Variants in SAMSN1 observed in about 807,000 individuals in gnomAD.
The protein encoded by SAMSN1 is SAM domain, SH3 domain and nuclear localization signals 1, also known as SAM domain-containing protein SAMSN-1.
Under a neutral mutation model 42.0 loss-of-function variants are expected in SAMSN1, and 31 were observed. The observed-to-expected ratio is 0.74, with a 90% confidence interval of 0.55 to 1.00. The LOEUF (loss-of-function observed/expected upper bound fraction) is 1.00, where lower values mean the gene tolerates loss of function less well. Ranked by LOEUF, SAMSN1 falls within the 50% of genes least tolerant of loss-of-function variation. The probability of loss-of-function intolerance (pLI) is 0.00; values close to 1 mark genes in which losing one functional copy is unlikely to be tolerated. For synonymous variants in SAMSN1, 178 were observed against 151.9 expected (o/e 1.17, Z -1.26); for missense variants, 464 against 439.4 (o/e 1.06, Z -0.50).
intron 1 of SAMSN1, among the ~76,000 whole-genome samples, chr21:14,647,430 G>A (rs527339268): frequency 1.1e-3 from 160 of 148,032 alleles, no homozygotes; most frequent in Non-Finnish European, 2.1e-3. Flanking sequence ...GATGCCTCCA[G>A]CTTTGTTCTT....
Position 14,623,697 on chromosome 21 carries a change from G to A in SAMSN1, c.157-7681C>T, listed in dbSNP as rs375570054. 8.2e-4 allele frequency among the ~76,000 whole-genome samples: 125 copies of A among 152,278 alleles called. 2 individuals are homozygous for A. In the South Asian group the frequency reaches 0.011, roughly 13 times the overall value. ...TAATGGGAGACTTTAACACCTCACT[G>A]TCAACATTAGACAGATCAACAAGAT... On this transcript the variant is annotated intron_variant, in intron 2 of 15. Transcript: ENST00000647101.
intron 7 of SAMSN1, among the ~76,000 whole-genome samples, chr21:14,491,911 G>A (rs1986703350): frequency 6.6e-6 from 1 of 152,124 alleles, no homozygotes. Context: ...GGAATACTGT[G>A]CATATTAGTG....
chr21:14,620,205 C>T (rs955717228), intron 2 of SAMSN1, among the ~76,000 whole-genome samples: 2 of 152,126 alleles, frequency 1.3e-5, no homozygotes, highest in Admixed American at 6.6e-5. Flanking sequence ...TATGGTTAGG[C>T]TTTGTGTCCC....
At chr21:14,648,919 G>A (rs1983772188) in intron 1 of SAMSN1, among the ~76,000 whole-genome samples, 1 of 151,072 alleles carries the variant, frequency 6.6e-6, no homozygotes, top group Non-Finnish European at 1.5e-5. Context: ...CCCATTACTG[G>A]GTATATACCC....
intron 6 of SAMSN1, among the ~76,000 whole-genome samples, chr21:14,600,161 C>T (rs1982392109): frequency 1.3e-5 from 2 of 152,124 alleles, no homozygotes; most frequent in Admixed American, 6.5e-5. Flanking sequence ...AGTTTCATGC[C>T]ATAGTCCACT....
At chr21:14,583,363 A>G (rs1315324117) in exon 1 of SAMSN1, 1 of 279,482 alleles carries the variant, frequency 3.6e-6, no homozygotes, top group African/African-American at 2.2e-5. Context: ...ATTGTTTTCT[A>G]TGGCCAAGGA....
intron 2 of SAMSN1, among the ~76,000 whole-genome samples, chr21:14,578,605 C>T (rs1981584569): frequency 6.7e-6 from 1 of 148,688 alleles, no homozygotes; most frequent in Non-Finnish European, 1.5e-5. Context: ...ATCATTTGAA[C>T]CCAAGAGGCA....
chr21:14,512,594 G>T (rs773615476), intron 3 of SAMSN1, 21 bp from the exon 4 acceptor site: 6 of 1,612,424 alleles, frequency 3.7e-6, no homozygotes, highest in Middle Eastern at 1.6e-4. Flanking sequence ...CATATCAGAG[G>T]TTAGGTACAG....
At chr21:14,524,322 ATTATC>A (rs997083771) in intron 1 of SAMSN1, among the ~76,000 whole-genome samples, 5 of 152,296 alleles carry the variant, frequency 3.3e-5, no homozygotes, top group Admixed American at 6.5e-5. Flanking sequence ...CTTAGTAAAT[ATTATC>A]TTATGACAGA....
chr21:14,548,992 T>C (rs1386652891), upstream of SAMSN1, among the ~76,000 whole-genome samples: 2 of 152,200 alleles, frequency 1.3e-5, no homozygotes, highest in East Asian at 3.8e-4. Flanking sequence ...AATACCTTAA[T>C]GGTCTTACAT....
chr21:14,611,917 A>G (rs1423969943), intron 4 of SAMSN1, among the ~76,000 whole-genome samples: 2 of 152,130 alleles, frequency 1.3e-5, no homozygotes, highest in Non-Finnish European at 2.9e-5. Context: ...AAGGGTACCC[A>G]TAAGTTTGGC....
chr21:14,508,523 C>A (rs1416569057), intron 5 of SAMSN1, among the ~76,000 whole-genome samples: 1 of 152,210 alleles, frequency 6.6e-6, no homozygotes, highest in East Asian at 1.9e-4. Flanking sequence ...CTTACCCCTG[C>A]AAGTATGGCC....
intron 2 of SAMSN1, among the ~76,000 whole-genome samples, chr21:14,563,829 G>T (rs1360657238): frequency 1.3e-5 from 2 of 152,190 alleles, no homozygotes; most frequent in East Asian, 3.8e-4. Context: ...AGCTGTGAAT[G>T]CCCCGTGTCA....
intron 3 of SAMSN1, among the ~76,000 whole-genome samples, chr21:14,513,621 A>G (rs1170012741): frequency 6.6e-6 from 1 of 152,164 alleles, no homozygotes; most frequent in Non-Finnish European, 1.5e-5. Flanking sequence ...AAACTGGGTG[A>G]TGTGAGAGAA....
chr21:14,554,095 A>G (rs1980682355), intron 2 of SAMSN1, among the ~76,000 whole-genome samples: 2 of 152,186 alleles, frequency 1.3e-5, no homozygotes, highest in African/African-American at 4.8e-5. Context: ...AATTACTATA[A>G]TAAATACAAT....
At chr21:14,503,806 A>C (rs536862953) in intron 5 of SAMSN1, among the ~76,000 whole-genome samples, 1 of 152,138 alleles carries the variant, frequency 6.6e-6, no homozygotes, top group Non-Finnish European at 1.5e-5. Context: ...ATAAATTAGG[A>C]AACCTGGGAG....
intron 2 of SAMSN1, among the ~76,000 whole-genome samples, chr21:14,621,195 A>C (rs1982993972): frequency 6.6e-6 from 1 of 152,226 alleles, no homozygotes; most frequent in Non-Finnish European, 1.5e-5. Flanking sequence ...AAGATGGCCG[A>C]ATAGGAACAG....
At chr21:14,529,619 GTATAC>G (rs1453204995) in intron 1 of SAMSN1, among the ~76,000 whole-genome samples, 1 of 152,174 alleles carries the variant, frequency 6.6e-6, no homozygotes, top group Non-Finnish European at 1.5e-5. Flanking sequence ...TGAGAGAAAT[GTATAC>G]TATATTAGTA....
At chr21:14,526,023 G>A (rs1050085782) in intron 1 of SAMSN1, among the ~76,000 whole-genome samples, 2 of 151,766 alleles carry the variant, frequency 1.3e-5, no homozygotes, top group Admixed American at 1.3e-4. Flanking sequence ...GCACCCCCAC[G>A]CCCAGCTAAT....
Sources: allele counts gnomAD v4.1 joint callset (sites outside exome capture counted in the v4.1 genomes callset), GRCh38; gene constraint gnomAD v4.1.1; transcripts MANE v1.5; gene names NCBI Gene and HGNC (gene_info 2026-07-23, HGNC 2026-07-21).